The following MOB1B variants were observed in gnomAD, a reference collection of about 807,000 sequenced individuals.
The protein encoded by MOB1B is MOB1 Mps One Binder homolog B.
Under a neutral mutation model 24.4 loss-of-function variants are expected in MOB1B, and 19 were observed. The ratio of observed to expected loss-of-function variants is 0.78; its 90% CI spans 0.54 to 1.14. The LOEUF is 1.14. Among genes scored for constraint, MOB1B ranks in the 50% most tolerant of loss-of-function variants. The pLI, the probability that MOB1B is intolerant of heterozygous loss-of-function variation, is 0.00. For synonymous variants in MOB1B, 76 were observed against 82.1 expected (o/e 0.93, Z 0.40); for missense variants, 243 against 259.6 (o/e 0.94, Z 0.44).
chr4:70,928,135 T>G (rs1205686632), intron 1 of MOB1B, among the ~76,000 whole-genome samples: 1 of 152,160 alleles, frequency 6.6e-6, no homozygotes, highest in African/African-American at 2.4e-5. Flanking sequence ...CTTATCATAG[T>G]CCTTTCCAAA....
At chr4:70,914,783 C>T (rs1304807941) in intron 1 of MOB1B, among the ~76,000 whole-genome samples, 1 of 152,188 alleles carries the variant, frequency 6.6e-6, no homozygotes, top group African/African-American at 2.4e-5. Context: ...CAGCTGTTCT[C>T]TTGACCCTGT....
intron 1 of MOB1B, among the ~76,000 whole-genome samples, chr4:70,952,883 C>T (rs530885456): frequency 6.9e-6 from 1 of 145,796 alleles, no homozygotes; most frequent in South Asian, 2.2e-4. Context: ...TGTGTACATG[C>T]TTGGGTATTT....
At position 70,952,804 on chromosome 4, in the gene MOB1B, A is replaced by C. The variant is rs116368273; in HGVS notation, c.15-6070A>C. ...AAGATTTGTATTTGTATGTCTTAAA[A>C]TATGTGAGATGTATGCATTTGGGCA... On this transcript the variant is annotated intron_variant, in intron 1 of 5. Transcript: ENST00000309395. Among the ~76,000 whole-genome samples, 298 of 152,032 alleles carry C rather than the reference A, an allele frequency of 2.0e-3. 2 individuals carry two copies. The highest frequency in any genetic ancestry group is 6.9e-3 in the African/African-American group (285 of 41,516).
At chr4:70,968,461 G>A (rs1404161085) in intron 2 of MOB1B, among the ~76,000 whole-genome samples, 4 of 152,000 alleles carry the variant, frequency 2.6e-5, no homozygotes, top group Non-Finnish European at 4.4e-5. Flanking sequence ...ACAGGCATGC[G>A]CCACCACACC....
intron 1 of MOB1B, among the ~76,000 whole-genome samples, chr4:70,948,625 T>C (rs1025971384): frequency 6.6e-6 from 1 of 152,224 alleles, no homozygotes; most frequent in Non-Finnish European, 1.5e-5. Context: ...TCTTGGTTTT[T>C]GTTAGCATTA....
intron 1 of MOB1B, among the ~76,000 whole-genome samples, chr4:70,956,991 C>T (rs1490864536): frequency 1.3e-5 from 2 of 151,698 alleles, no homozygotes; most frequent in Non-Finnish European, 2.9e-5. Flanking sequence ...TTGAGAACTA[C>T]TGGTTTATCT....
rs1739427231 is a variant in MOB1B at position 70,987,820 on chromosome 4, C to T, written c.*5763C>T. The T allele has an allele frequency of 6.6e-6, 1 of 152,580 alleles. No homozygotes were observed. Among genetic ancestry groups the T allele is most frequent in the Admixed American group, 6.5e-5 (1 of 15,286 alleles). The allele number at this position is 152,580 out of a possible 1,614,324, so 9.5% of individuals were successfully genotyped here. ...AAGTATTGAGAAGAGTGCATAAAGA[C>T]AGGGAACTACTCTCATGGAGACAGT... is the stretch of plus-strand genomic sequence containing the variant. On this transcript the variant is annotated 3_prime_UTR_variant, in exon 6 of 6. Transcript: ENST00000309395.
At chr4:70,979,643 G>C (rs1456154188) in intron 5 of MOB1B, among the ~76,000 whole-genome samples, 1 of 152,106 alleles carries the variant, frequency 6.6e-6, no homozygotes. Flanking sequence ...AGTCTGCCCT[G>C]GATCTTTATT....
At chr4:70,905,439 G>A (rs1339638929) in intron 1 of MOB1B, among the ~76,000 whole-genome samples, 1 of 151,678 alleles carries the variant, frequency 6.6e-6, no homozygotes, top group African/African-American at 2.4e-5. Context: ...GGTAGAGTCA[G>A]GGTTTTGCCA....
intron 1 of MOB1B, 100 bp from the exon 2 acceptor site, chr4:70,958,774 G>A (rs1738174217): frequency 9.3e-7 from 1 of 1,070,022 alleles, no homozygotes; most frequent in Admixed American, 1.7e-5. Flanking sequence ...CTATTGCTGG[G>A]ATTTAAGCCA....
intron 1 of MOB1B, among the ~76,000 whole-genome samples, chr4:70,930,982 T>C (rs926146476): frequency 6.6e-6 from 1 of 151,266 alleles, no homozygotes; most frequent in African/African-American, 2.4e-5. Flanking sequence ...TTTTTTTTTT[T>C]TTTTAACACA....
chr4:70,952,555 A>G lies in MOB1B; in HGVS notation c.15-6319A>G, dbSNP rs1027607786. Among the ~76,000 whole-genome samples, 3 of 146,780 alleles carry G rather than the reference A, an allele frequency of 2.0e-5. No homozygotes were observed. In the East Asian group the frequency reaches 6.7e-4, roughly 33 times the overall value. The stretch of plus-strand genomic sequence containing the variant: ...CTACTTGGGAGGCTGAGGCAGGAGA[A>G]TGGTGTGAACCCAGGAGGCGGAGCT... On this transcript the variant is annotated intron_variant, in intron 1 of 5. Coordinates refer to ENST00000309395, the MANE Select transcript of MOB1B (RefSeq NM_173468.4).
In MOB1B at chr4:70,903,974, C is replaced by CTTTTTTTTTTTTT. The variant is rs754257097; in HGVS notation, c.14+1436_14+1448dup. 4.0e-4 allele frequency among the ~76,000 whole-genome samples: 32 copies of CTTTTTTTTTTTTT among 81,004 alleles called. 2 individuals are homozygous for CTTTTTTTTTTTTT. Among genetic ancestry groups the CTTTTTTTTTTTTT allele is most frequent in the East Asian group, 1.3e-3 (3 of 2,266 alleles). 53.1% of individuals were successfully genotyped at this position (81,004 alleles called of 152,430 possible). On this transcript the variant is annotated intron_variant, in intron 1 of 5. Coordinates refer to ENST00000309395, the MANE Select transcript of MOB1B (RefSeq NM_173468.4). ...AAAGTCCTTGTTTCTTATTTTAGTT[C>CTTTTTTTTTTTTT]TTTTTTTTTTTTTTTTTTTTTTTTG...
At chr4:70,908,642 G>C (rs183214646) in intron 1 of MOB1B, among the ~76,000 whole-genome samples, 1 of 150,814 alleles carries the variant, frequency 6.6e-6, no homozygotes, top group East Asian at 2.0e-4. Context: ...AGACATGGTG[G>C]CATGTGCCTG....
chr4:70,929,647 A>T (rs1162311880), intron 1 of MOB1B, among the ~76,000 whole-genome samples: 3 of 135,268 alleles, frequency 2.2e-5, no homozygotes, highest in Admixed American at 7.4e-5. Context: ...CACCAAGCTA[A>T]TTTTTTTTTT....
At chr4:70,940,086 C>T (rs1404268163) in intron 1 of MOB1B, among the ~76,000 whole-genome samples, 1 of 151,972 alleles carries the variant, frequency 6.6e-6, no homozygotes, top group Non-Finnish European at 1.5e-5. Context: ...TCCTCTTGAC[C>T]TCCAGCCGCT....
chr4:70,927,363 A>C (rs1560637093), intron 1 of MOB1B, among the ~76,000 whole-genome samples: 1 of 151,752 alleles, frequency 6.6e-6, no homozygotes, highest in Non-Finnish European at 1.5e-5. Flanking sequence ...ACATGATGAA[A>C]CCCCCGTCTC....
At chr4:70,925,257 GA>G (rs1248155773) in intron 1 of MOB1B, among the ~76,000 whole-genome samples, 1 of 152,082 alleles carries the variant, frequency 6.6e-6, no homozygotes, top group African/African-American at 2.4e-5. Flanking sequence ...GGCTGGTCTT[GA>G]ACGCCTGACC....
At chr4:70,950,545 C>A (rs1482357062) in intron 1 of MOB1B, among the ~76,000 whole-genome samples, 1 of 151,574 alleles carries the variant, frequency 6.6e-6, no homozygotes, top group Non-Finnish European at 1.5e-5. Flanking sequence ...TACTTTAAAT[C>A]CTTAGATTTG....
Sources: gnomAD v4.1 joint callset for allele counts (sites outside exome capture counted in the v4.1 genomes callset) on GRCh38, gnomAD v4.1.1 for gene constraint, MANE v1.5 for transcripts, NCBI Gene and HGNC (gene_info 2026-07-23, HGNC 2026-07-21) for gene names.